The following CCND3 variants were observed in gnomAD, a reference collection of about 807,000 sequenced individuals.
CCND3 encodes the protein cyclin D3.
A neutral mutation model predicts 28.7 loss-of-function variants in CCND3; 9 were observed. That is an observed-to-expected ratio of 0.31 (90% CI 0.19 to 0.55). The LOEUF is 0.55. Ranked by LOEUF, CCND3 falls within the 20% of genes least tolerant of loss-of-function variation. The pLI is 0.93. For missense variants in CCND3, 315 were observed against 385.8 expected, an observed-to-expected ratio of 0.82 and a Z score of 1.54; for synonymous variants, 164 against 163.9, an observed-to-expected ratio of 1.00 and a Z score of 0.00.
chr6:42,046,259 C>T (rs60905160), intron 1 of CCND3, among the ~76,000 whole-genome samples: 25,814 of 152,122 alleles, frequency 0.17, 2,498 homozygotes, highest in South Asian at 0.24. Flanking sequence ...GAAACTGTCC[C>T]GTGCTCTCGC....
Position 41,965,736 on chromosome 6 carries a change from T to TA in CCND3, c.-45-25152dup, listed in dbSNP as rs566757956. Among the ~76,000 whole-genome samples the TA allele has an allele frequency of 1.0e-3, 155 of 152,288 alleles. 3 individuals carry two copies. The South Asian group carries it at 0.031, about 30-fold the overall frequency. ...TCCCTCAGCTCACAAAGTATCAGAC[T>TA]AACTGGCCCAAGCGCCCTCCCACCC... On this transcript the variant is annotated intron_variant, in intron 1 of 4. Coordinates refer to the CCND3 transcript ENST00000372988.
intron 1 of CCND3, among the ~76,000 whole-genome samples, chr6:41,988,506 G>A (rs1762550499): frequency 6.6e-6 from 1 of 151,862 alleles, no homozygotes; most frequent in Non-Finnish European, 1.5e-5. Flanking sequence ...TTAACTGCTG[G>A]ATCATTTTCC....
chr6:41,986,883 C>T (rs1349168466), intron 1 of CCND3, among the ~76,000 whole-genome samples: 2 of 152,000 alleles, frequency 1.3e-5, no homozygotes, highest in African/African-American at 2.4e-5. Context: ...TGGAAATGTT[C>T]TCCATAAGAA....
chr6:42,043,615 C>G (rs1407992436), intron 1 of CCND3, among the ~76,000 whole-genome samples: 1 of 151,754 alleles, frequency 6.6e-6, no homozygotes, highest in South Asian at 2.1e-4. Context: ...GGGAGATCAA[C>G]TCTGCCTGGG....
At chr6:42,013,712 G>C (rs1763405355) in intron 1 of CCND3, among the ~76,000 whole-genome samples, 1 of 152,132 alleles carries the variant, frequency 6.6e-6, no homozygotes, top group Non-Finnish European at 1.5e-5. Context: ...TCAGCCTATT[G>C]AGATCTAATT....
At chr6:41,964,330 A>C (rs1582112691) in intron 1 of CCND3, among the ~76,000 whole-genome samples, 2 of 94,510 alleles carry the variant, frequency 2.1e-5, no homozygotes, top group African/African-American at 3.3e-5. Context: ...GTGTGTGTGA[A>C]TGTGTGTGTG....
rs1485661924 is a variant in CCND3, at chr6:41,940,383, G to A, written c.401C>T (p.Pro134Leu). The change falls in exon 2 of 5, where the codon CCC (proline) becomes CTC (leucine). Residue 134 changes from proline (P) to leucine (L), a missense_variant. Pro to Leu is a moderately conservative substitution (Grantham distance 98). Transcript: ENST00000372991. Reference sequence around the variant, plus strand: ...TTACACACGCACCCGCAACTGGCGGGGAGAGACAGCGTGGTCGGTGTAGAT... The same window carrying A: ...TTACACACGCACCCGCAACTGGCGGAGAGAGACAGCGTGGTCGGTGTAGAT... ...LCIYTDHAVS[P>L]RQLRDWEVLV... The A allele has an allele frequency of 1.2e-6, 2 of 1,614,028 alleles. No individual in the cohort carries two copies. Among genetic ancestry groups the A allele is most frequent in the South Asian group, 1.1e-5 (1 of 91,090 alleles).
intron 1 of CCND3, among the ~76,000 whole-genome samples, chr6:41,954,579 G>C (rs943565027): frequency 1.7e-4 from 25 of 151,330 alleles, no homozygotes; most frequent in South Asian, 1.2e-3. Flanking sequence ...ATTTTGTTTA[G>C]AGATGGAGGG....
At chr6:41,975,167 C>T (rs1269897029) in intron 1 of CCND3, among the ~76,000 whole-genome samples, 1 of 152,182 alleles carries the variant, frequency 6.6e-6, no homozygotes, top group Non-Finnish European at 1.5e-5. Context: ...TTTATACATA[C>T]ATGATTGTCA....
intron 1 of CCND3, among the ~76,000 whole-genome samples, chr6:41,999,521 T>C (rs1762925550): frequency 6.6e-6 from 1 of 152,178 alleles, no homozygotes; most frequent in Admixed American, 6.6e-5. Context: ...ATTCTAAATT[T>C]TGATACAATA....
chr6:41,946,422 C>G (rs998804991), upstream of CCND3, among the ~76,000 whole-genome samples: 1 of 151,046 alleles, frequency 6.6e-6, no homozygotes, highest in Non-Finnish European at 1.5e-5. Context: ...ACAGTAAAAC[C>G]CCATCTCTAC....
intron 1 of CCND3, among the ~76,000 whole-genome samples, chr6:42,025,183 G>C (rs1265075611): frequency 1.3e-5 from 2 of 152,224 alleles, no homozygotes; most frequent in Non-Finnish European, 2.9e-5. Context: ...AGAAGGTCTG[G>C]GATCTAACTG....
rs772299120 is a variant in CCND3 at position 42,048,717 on chromosome 6, G to C, written c.-262C>G. ...AAGTCCGCGCCGCGCCGCCGATCCA[G>C]AGCTGGGCAGGAAGTGGGGAAGAGG... On this transcript the variant is annotated 5_prime_UTR_variant, in exon 1 of 5. Transcript: ENST00000372988. The surrounding 1 kb of genome is among the most constrained non-coding windows in gnomAD (Gnocchi z 4.7). The C allele has an allele frequency of 1.2e-5, 6 of 511,878 alleles. No individual in the cohort carries two copies. Among genetic ancestry groups the C allele is most frequent in the Non-Finnish European group, 1.9e-5 (5 of 257,096 alleles). 31.7% of individuals were successfully genotyped at this position (511,878 alleles called of 1,614,324 possible).
intron 1 of CCND3, among the ~76,000 whole-genome samples, chr6:41,961,621 C>A (rs1439895651): frequency 6.6e-6 from 1 of 151,998 alleles, no homozygotes; most frequent in Non-Finnish European, 1.5e-5. Context: ...TTACGTTAGC[C>A]TTCCGAACTG....
At chr6:41,998,663 G>A (rs542670541) in intron 1 of CCND3, among the ~76,000 whole-genome samples, 40 of 150,766 alleles carry the variant, frequency 2.7e-4, no homozygotes, top group African/African-American at 9.5e-4. Context: ...CATCATGCCA[G>A]TCCCTGGTCT....
chr6:41,994,152 C>G (rs1246079656), intron 1 of CCND3, among the ~76,000 whole-genome samples: 2 of 151,172 alleles, frequency 1.3e-5, no homozygotes, highest in Non-Finnish European at 2.9e-5. Flanking sequence ...GTTACTCTAC[C>G]TTTTCCACCT....
intron 1 of CCND3, among the ~76,000 whole-genome samples, chr6:42,031,094 T>C (rs757191568): frequency 1.3e-5 from 2 of 152,144 alleles, no homozygotes; most frequent in South Asian, 2.1e-4. Context: ...TCCTCCTCTG[T>C]TGCTGAGCTG....
At chr6:41,951,007 C>T (rs1040129836) in intron 1 of CCND3, among the ~76,000 whole-genome samples, 8 of 151,950 alleles carry the variant, frequency 5.3e-5, no homozygotes, top group East Asian at 1.9e-4. Flanking sequence ...TGCGCTGGGC[C>T]GAGAAGCCAC....
chr6:41,996,337 A>C (rs1762806890), intron 1 of CCND3, among the ~76,000 whole-genome samples: 1 of 151,604 alleles, frequency 6.6e-6, no homozygotes, highest in East Asian at 1.9e-4. Flanking sequence ...TTCAGTAGAG[A>C]TGGGGTTTCA....
Sources: gnomAD v4.1 joint callset for allele counts (sites outside exome capture counted in the v4.1 genomes callset) on GRCh38, gnomAD v4.1.1 for gene constraint, Gnocchi (gnomAD v3.1) non-coding constraint, MANE v1.5 for transcripts, NCBI Gene and HGNC (gene_info 2026-07-23, HGNC 2026-07-21) for gene names.